XKR6: variants seen among roughly 807,000 people sequenced by gnomAD.
The protein encoded by XKR6 is XK-related protein 6.
Under a neutral mutation model 56.7 loss-of-function variants are expected in XKR6, and 22 were observed. That is an observed-to-expected ratio of 0.39 (90% CI 0.28 to 0.55). The LOEUF (loss-of-function observed/expected upper bound fraction) is 0.55. XKR6 is among the 20% of genes least tolerant of loss of function. XKR6 has a pLI of 0.66. For missense variants in XKR6, 852 were observed against 889.0 expected, an observed-to-expected ratio of 0.96 and a Z score of 0.53; for synonymous variants, 524 against 387.8, an observed-to-expected ratio of 1.35 and a Z score of -4.13.
intron 1 of XKR6, among the ~76,000 whole-genome samples, chr8:11,000,561 T>C (rs903638140): frequency 9.2e-5 from 14 of 152,262 alleles, no homozygotes; most frequent in African/African-American, 2.9e-4. Context: ...GGCACACGCC[T>C]GTAGTCCCAG....
At chr8:11,085,313 T>C (rs1797850005) in intron 1 of XKR6, among the ~76,000 whole-genome samples, 1 of 152,214 alleles carries the variant, frequency 6.6e-6, no homozygotes, top group South Asian at 2.1e-4. Context: ...CACAGGGTCC[T>C]TGGAGTGCCT....
intron 2 of XKR6, among the ~76,000 whole-genome samples, chr8:10,916,429 C>T (rs1800565459): frequency 6.6e-6 from 1 of 152,132 alleles, no homozygotes; most frequent in Non-Finnish European, 1.5e-5. Flanking sequence ...CAGCTAATGT[C>T]CCATATGAAC....
rs1802235931 is a variant in XKR6 at position 11,169,134 on chromosome 8, C to T, written c.764+31442G>A. ...GACCAGTCAGCACATTCCTTCCCTG[C>T]CCAGTCCATAAAAACCCCAAATCTA... On this transcript the variant is annotated intron_variant, in intron 1 of 2. Transcript: ENST00000416569. 2.0e-5 allele frequency among the ~76,000 whole-genome samples: 3 copies of T among 152,160 alleles called. No homozygotes were observed. The South Asian group carries it at 6.2e-4, about 32-fold the overall frequency.
chr8:11,196,078 A>C (rs148776181), intron 1 of XKR6, among the ~76,000 whole-genome samples: 1 of 152,132 alleles, frequency 6.6e-6, no homozygotes, highest in African/African-American at 2.4e-5. Context: ...CAATCTATTA[A>C]TGTGTCTATA....
intron 1 of XKR6, among the ~76,000 whole-genome samples, chr8:11,144,223 A>AGTGTGTGTGTGT (rs35351104): frequency 0.049 from 6,629 of 136,412 alleles, 193 homozygotes; most frequent in South Asian, 0.1. Flanking sequence ...TTAAATAAAA[A>AGTGTGTGTGTGT]GTGTGTGTGT....
At chr8:11,132,742 C>T (rs1056586803) in intron 1 of XKR6, among the ~76,000 whole-genome samples, 9 of 148,092 alleles carry the variant, frequency 6.1e-5, no homozygotes, top group African/African-American at 2.1e-4. Flanking sequence ...TGGCTCTGTC[C>T]CTTCATTCAT....
intron 1 of XKR6, among the ~76,000 whole-genome samples, chr8:11,031,397 G>C (rs1045576353): frequency 1.3e-5 from 2 of 152,204 alleles, no homozygotes; most frequent in Non-Finnish European, 2.9e-5. Context: ...AGGAGAGTAA[G>C]CAATAAGGTC....
intron 1 of XKR6, among the ~76,000 whole-genome samples, chr8:10,999,015 A>G (rs1007585636): frequency 6.6e-6 from 1 of 152,228 alleles, no homozygotes; most frequent in Non-Finnish European, 1.5e-5. Flanking sequence ...CTGAGGGTCA[A>G]CATAAAGGAC....
intron 1 of XKR6, among the ~76,000 whole-genome samples, chr8:11,192,721 T>C (rs1803647052): frequency 6.6e-6 from 1 of 152,118 alleles, no homozygotes; most frequent in Non-Finnish European, 1.5e-5. Flanking sequence ...TGAGCAAAAA[T>C]ACACACTCCC....
chr8:10,902,451 A>G (rs1379236649), intron 2 of XKR6, among the ~76,000 whole-genome samples: 1 of 152,136 alleles, frequency 6.6e-6, no homozygotes, highest in African/African-American at 2.4e-5. Context: ...GGCCATCTCT[A>G]TGAGGATGGC....
chr8:10,951,299 G>GTGTGTGTGTGTGTGTGTGTGT (rs762396240), intron 1 of XKR6, among the ~76,000 whole-genome samples: 3 of 117,586 alleles, frequency 2.6e-5, no homozygotes, highest in Non-Finnish European at 3.6e-5. Flanking sequence ...GTGTGTGTGT[G>GTGTGTGTGTGTGTGTGTGTGT]GGGGGGGGGG....
chr8:10,976,900 C>G (rs548126437), intron 1 of XKR6, among the ~76,000 whole-genome samples: 4 of 152,304 alleles, frequency 2.6e-5, no homozygotes, highest in African/African-American at 9.6e-5. Context: ...GGGGGCTACA[C>G]TGAACCAAGG....
intron 1 of XKR6, among the ~76,000 whole-genome samples, chr8:11,182,509 G>C (rs1195972577): frequency 6.6e-6 from 1 of 152,212 alleles, no homozygotes; most frequent in Non-Finnish European, 1.5e-5. Context: ...GGTCAGCGTG[G>C]CCAGGACACT....
intron 1 of XKR6, among the ~76,000 whole-genome samples, chr8:10,968,823 G>A (rs915344790): frequency 1.3e-5 from 2 of 152,236 alleles, no homozygotes; most frequent in African/African-American, 4.8e-5. Context: ...ACAGGGCTCG[G>A]GCAGTCCAGG....
At chr8:11,116,399 C>T (rs751605279) in intron 1 of XKR6, among the ~76,000 whole-genome samples, 7 of 152,170 alleles carry the variant, frequency 4.6e-5, no homozygotes, top group Non-Finnish European at 1.0e-4. Flanking sequence ...AGACAAGAGT[C>T]TTGCTCTGTT....
chr8:11,111,058 G>A (rs897871363), intron 1 of XKR6, among the ~76,000 whole-genome samples: 1 of 129,956 alleles, frequency 7.7e-6, no homozygotes, highest in Non-Finnish European at 1.6e-5. Flanking sequence ...GTTTCACTGT[G>A]TTAGCCAGGA....
At chr8:10,909,396 T>C (rs1334560571) in intron 2 of XKR6, among the ~76,000 whole-genome samples, 1 of 152,224 alleles carries the variant, frequency 6.6e-6, no homozygotes, top group Non-Finnish European at 1.5e-5. Flanking sequence ...GACTGCCTCA[T>C]GCCTTCTTGC....
At chr8:11,159,228 G>A (rs1801674107) in intron 1 of XKR6, among the ~76,000 whole-genome samples, 1 of 152,126 alleles carries the variant, frequency 6.6e-6, no homozygotes, top group South Asian at 2.1e-4. Context: ...AATGACCCTT[G>A]TCCTTCACCC....
chr8:10,917,892 T>C (rs1050404678), intron 2 of XKR6, among the ~76,000 whole-genome samples: 2 of 152,250 alleles, frequency 1.3e-5, no homozygotes, highest in African/African-American at 2.4e-5. Flanking sequence ...TTTTCTCAAA[T>C]GCTTGTTTCT....
Sources: gnomAD v4.1 joint callset for allele counts (sites outside exome capture counted in the v4.1 genomes callset) on GRCh38, gnomAD v4.1.1 for gene constraint, MANE v1.5 for transcripts, NCBI Gene and HGNC (gene_info 2026-07-23, HGNC 2026-07-21) for gene names.